Variants in PDS5A observed in about 807,000 individuals in gnomAD.
The protein encoded by PDS5A is sister chromatid cohesion protein PDS5 homolog A.
PDS5A carries 42 observed loss-of-function variants against 167.1 expected under a neutral mutation model. The observed-to-expected ratio is 0.25, with a 90% CI of 0.20 to 0.33. The LOEUF is 0.33. PDS5A is among the 10% of genes least tolerant of loss of function. The pLI is 1.00. For synonymous variants in PDS5A, 553 were observed against 554.6 expected (o/e 1.00, Z 0.04); for missense variants, 1,033 against 1,605.9 (o/e 0.64, Z 6.10).
In PDS5A at chr4:39,848,956, T is replaced by C. The variant is rs1244114628; in HGVS notation, c.3234A>G (p.Val1078=). The C allele has an allele frequency of 6.3e-7, 1 of 1,598,060 alleles. No individual in the cohort carries two copies. The highest frequency in any genetic ancestry group is 8.6e-7 in the Non-Finnish European group (1 of 1,169,288). The change falls in exon 28 of 33, where the codon GTA becomes GTG. Residue 1078 remains valine, a synonymous_variant. Transcript: ENST00000303538. ...TTATAACACAGAGAGCCACATCACA[T>C]ACTGTATACAGTTTCTAGGGAGGAA... The part of the protein sequence containing the change: ...ESKTNEKLYT[V]CDVALCVINS...
At chr4:39,911,061 G>A (rs935063407) in intron 9 of PDS5A, among the ~76,000 whole-genome samples, 2 of 152,134 alleles carry the variant, frequency 1.3e-5, no homozygotes, top group Non-Finnish European at 2.9e-5. Context: ...TTGAGCCCAG[G>A]AGGTCGAGGC....
chr4:39,911,749 A>G (rs1024929751), intron 9 of PDS5A, among the ~76,000 whole-genome samples: 1 of 149,834 alleles, frequency 6.7e-6, no homozygotes, highest in African/African-American at 2.5e-5. Context: ...GGAGAATGGC[A>G]TGAACCCGGG....
intron 2 of PDS5A, among the ~76,000 whole-genome samples, chr4:39,929,606 C>CGCGT (rs1725820737): frequency 7.6e-6 from 1 of 130,814 alleles, no homozygotes; most frequent in Non-Finnish European, 1.6e-5. Context: ...CCTATTGGGG[C>CGCGT]GTGTGTGTGT....
intron 2 of PDS5A, among the ~76,000 whole-genome samples, chr4:39,965,766 T>G (rs917135035): frequency 6.6e-6 from 1 of 152,168 alleles, no homozygotes; most frequent in Non-Finnish European, 1.5e-5. Context: ...AGAATGGTTG[T>G]TGCCAGGAGC....
chr4:39,855,951 T>C (rs372494885), intron 26 of PDS5A, among the ~76,000 whole-genome samples: 10 of 152,296 alleles, frequency 6.6e-5, no homozygotes, highest in African/African-American at 2.4e-4. Flanking sequence ...GCAAATTTTA[T>C]GAAAGATGTG....
At chr4:39,842,500 TAA>T (rs1252050237) in intron 30 of PDS5A, among the ~76,000 whole-genome samples, 1 of 152,226 alleles carries the variant, frequency 6.6e-6, no homozygotes, top group Non-Finnish European at 1.5e-5. Context: ...CACTATTCTT[TAA>T]ACCATGTTAA....
chr4:39,842,547 AGTG>A (rs1717118988), intron 30 of PDS5A, among the ~76,000 whole-genome samples: 5 of 152,300 alleles, frequency 3.3e-5, no homozygotes, highest in Admixed American at 6.5e-5. Flanking sequence ...TTTTGCTAAA[AGTG>A]GTTTAAAACA....
chr4:39,830,479 C>T (rs967301426), intron 32 of PDS5A, among the ~76,000 whole-genome samples: 1 of 152,154 alleles, frequency 6.6e-6, no homozygotes, highest in African/African-American at 2.4e-5. Flanking sequence ...GGATGGAGTG[C>T]ACTGGCAAGA....
At chr4:39,853,143 G>A (rs910680283) in intron 26 of PDS5A, among the ~76,000 whole-genome samples, 3 of 152,132 alleles carry the variant, frequency 2.0e-5, no homozygotes, top group Non-Finnish European at 4.4e-5. Context: ...ATCCTGCTAT[G>A]TTGTTCAGGC....
intron 32 of PDS5A, 44 bp downstream of exon 32, chr4:39,837,812 C>G (rs1481736395): frequency 4.1e-6 from 6 of 1,451,826 alleles, no homozygotes; most frequent in African/African-American, 2.8e-5. Flanking sequence ...ACGAATAAAA[C>G]AAAATGTCTA....
intron 2 of PDS5A, among the ~76,000 whole-genome samples, chr4:39,958,558 C>G (rs1252450715): frequency 6.7e-6 from 1 of 149,342 alleles, no homozygotes; most frequent in African/African-American, 2.4e-5. Flanking sequence ...CCTTACCTAA[C>G]CCTAACTTGC....
intron 21 of PDS5A, among the ~76,000 whole-genome samples, chr4:39,871,918 C>G (rs911374145): frequency 8.6e-5 from 13 of 151,980 alleles, no homozygotes; most frequent in Non-Finnish European, 1.9e-4. Context: ...GTTGGCTAGG[C>G]TGGTCTTGAA....
chr4:39,840,437 C>A (rs549232168), intron 31 of PDS5A, among the ~76,000 whole-genome samples: 1 of 152,346 alleles, frequency 6.6e-6, no homozygotes, highest in Non-Finnish European at 1.5e-5. Flanking sequence ...GTGTTCAAGA[C>A]CAGCCTGTAG....
chr4:39,848,746 C>A, intron 28 of PDS5A, 105 bp downstream of exon 28: 1 of 1,016,192 alleles, frequency 9.8e-7, no homozygotes. Context: ...CAGATTTTTT[C>A]TTTACTCTGT....
chr4:39,963,070 G>A (rs1379130911), intron 2 of PDS5A, among the ~76,000 whole-genome samples: 1 of 151,474 alleles, frequency 6.6e-6, no homozygotes, highest in Admixed American at 6.6e-5. Context: ...TGTAATTCCA[G>A]CACTCTGGGA....
At chr4:39,854,842 T>C (rs925036873) in intron 26 of PDS5A, among the ~76,000 whole-genome samples, 8 of 152,188 alleles carry the variant, frequency 5.3e-5, no homozygotes, top group African/African-American at 1.9e-4. Context: ...GAAAAAGTGT[T>C]GAAAGATACA....
At chr4:39,859,079 C>G (rs1322010688) in intron 26 of PDS5A, among the ~76,000 whole-genome samples, 2 of 152,042 alleles carry the variant, frequency 1.3e-5, no homozygotes, top group Non-Finnish European at 2.9e-5. Flanking sequence ...AGAACTCTTA[C>G]AACTCAATAA....
chr4:39,975,004 G>C (rs764681656), intron 2 of PDS5A, among the ~76,000 whole-genome samples: 2 of 151,306 alleles, frequency 1.3e-5, no homozygotes, highest in Non-Finnish European at 2.9e-5. Context: ...CCAGCTACTA[G>C]AGAGGCTGAG....
chr4:39,900,337 T>C, intron 14 of PDS5A, 89 bp downstream of exon 14: 1 of 748,022 alleles, frequency 1.3e-6, no homozygotes, highest in Non-Finnish European at 2.3e-6. Context: ...ACAACTGAGA[T>C]ACTTTTTCCC....
Sources: allele counts gnomAD v4.1 joint callset (sites outside exome capture counted in the v4.1 genomes callset), GRCh38; gene constraint gnomAD v4.1.1; transcripts MANE v1.5; gene names NCBI Gene and HGNC (gene_info 2026-07-23, HGNC 2026-07-21).